The following GRAMD1C variants were observed in gnomAD, a reference collection of about 807,000 sequenced individuals.
The protein encoded by GRAMD1C is GRAM domain containing 1C.
In GRAMD1C, 89 loss-of-function variants were observed where a neutral mutation model predicts 97.8. The observed-to-expected ratio is 0.91, with a 90% confidence interval of 0.77 to 1.09. GRAMD1C has a LOEUF of 1.09. GRAMD1C is among the 50% of genes least tolerant of loss of function. The pLI is 0.00. For missense variants in GRAMD1C, 740 were observed against 766.4 expected (o/e 0.97, Z 0.41); for synonymous variants, 256 against 267.0 (o/e 0.96, Z 0.40).
At chr3:113,872,913 A>T (rs1306148445) in intron 3 of GRAMD1C, among the ~76,000 whole-genome samples, 106 of 145,498 alleles carry the variant, frequency 7.3e-4, no homozygotes, top group African/African-American at 2.7e-3. Context: ...GTCTACTAAA[A>T]ATACAAAAAA....
intron 6 of GRAMD1C, among the ~76,000 whole-genome samples, chr3:113,898,069 G>A (rs1936007492): frequency 6.6e-6 from 1 of 152,000 alleles, no homozygotes; most frequent in African/African-American, 2.4e-5. Context: ...CCATTAACCT[G>A]TTATATATAT....
rs1938072784 is a variant in GRAMD1C, at chr3:113,946,270, C to CT, written c.*794dup. 1 of 152,586 alleles carries CT rather than the reference C, an allele frequency of 6.6e-6. No individual in the cohort carries two copies. Among genetic ancestry groups the CT allele is most frequent in the Non-Finnish European group, 1.5e-5 (1 of 68,018 alleles). 9.5% of individuals were successfully genotyped at this position (152,586 alleles called of 1,614,324 possible). On this transcript the variant is annotated 3_prime_UTR_variant, in exon 18 of 18. Coordinates refer to ENST00000358160, the MANE Select transcript of GRAMD1C (RefSeq NM_017577.5). ...ATACTTGAACTAAGATTGGCTTCAG[C>CT]TTAGCAGTCTTTCATGGTGGAAGTG... is the stretch of plus-strand genomic sequence containing the variant.
At chr3:113,841,970 T>A (rs1933344973) in intron 1 of GRAMD1C, among the ~76,000 whole-genome samples, 2 of 152,202 alleles carry the variant, frequency 1.3e-5, no homozygotes, top group African/African-American at 4.8e-5. Context: ...AATGTTGGGA[T>A]TATACGTGTG....
chr3:113,850,396 T>C, intron 2 of GRAMD1C: 1 of 878,862 alleles, frequency 1.1e-6, no homozygotes. Flanking sequence ...GTCTTGCAGG[T>C]CGCTCACCCT....
chr3:113,878,864 A>C (rs1338720576), intron 5 of GRAMD1C, among the ~76,000 whole-genome samples: 1 of 152,062 alleles, frequency 6.6e-6, no homozygotes, highest in African/African-American at 2.4e-5. Context: ...GGTTTCTGAC[A>C]CTTAGAATCA....
intron 5 of GRAMD1C, among the ~76,000 whole-genome samples, chr3:113,880,983 C>T (rs957303184): frequency 1.4e-4 from 21 of 152,036 alleles, no homozygotes; most frequent in African/African-American, 4.6e-4. Flanking sequence ...TAAATATTCA[C>T]CCCTTTTATG....
Position 113,869,862 on chromosome 3 carries a change from A to G in GRAMD1C, c.259+271A>G, listed in dbSNP as rs563717413. Among the ~76,000 whole-genome samples, 10 of 152,352 alleles carry G rather than the reference A, an allele frequency of 6.6e-5. No homozygotes were observed. In the South Asian group the frequency reaches 1.0e-3, roughly 16 times the overall value. On this transcript the variant is annotated intron_variant, in intron 3 of 17. Coordinates refer to ENST00000358160, the MANE Select transcript of GRAMD1C (RefSeq NM_017577.5). ...ATGGAATCAACCTAAGTAGCCATCA[A>G]TGGATGAATGGATAAAGAAATTGTG... is the stretch of plus-strand genomic sequence containing the variant.
rs541502482 is a variant in GRAMD1C, at chr3:113,922,355, GA to G, written c.1090+6519del. On this transcript the variant is annotated intron_variant, in intron 10 of 17. Coordinates refer to ENST00000358160, the MANE Select transcript of GRAMD1C (RefSeq NM_017577.5). ...CCTAGAGTGCTGAGATTACAGGCGTGAACCACCACGCCCAGTCATTCCTAAA... is the reference window on the plus strand; with the variant it reads ...CCTAGAGTGCTGAGATTACAGGCGTGACCACCACGCCCAGTCATTCCTAAA... Among the ~76,000 whole-genome samples the G allele has an allele frequency of 2.1e-4, 32 of 152,270 alleles. No individual in the cohort carries two copies. In the South Asian group the frequency reaches 5.8e-3, roughly 28 times the overall value.
At chr3:113,840,076 T>C (rs1425996003) in intron 1 of GRAMD1C, among the ~76,000 whole-genome samples, 1 of 152,100 alleles carries the variant, frequency 6.6e-6, no homozygotes, top group Non-Finnish European at 1.5e-5. Context: ...ACGCCATTCT[T>C]CTGCCTCAGA....
chr3:113,880,733 T>C (rs532351971), intron 5 of GRAMD1C, among the ~76,000 whole-genome samples: 2 of 152,310 alleles, frequency 1.3e-5, no homozygotes, highest in Non-Finnish European at 2.9e-5. Flanking sequence ...TGCTTTAAGC[T>C]CTTTACGTAT....
At chr3:113,878,451 G>A (rs1935132875) in intron 5 of GRAMD1C, among the ~76,000 whole-genome samples, 1 of 152,128 alleles carries the variant, frequency 6.6e-6, no homozygotes, top group Non-Finnish European at 1.5e-5. Flanking sequence ...AGTTGGGGGA[G>A]GGGCATCACT....
In GRAMD1C at chr3:113,885,953, G is replaced by A. The variant is rs540286187; in HGVS notation, c.540+3121G>A. On this transcript the variant is annotated intron_variant, in intron 6 of 17. Transcript: ENST00000358160. Reference sequence around the variant, plus strand: ...ACACAGCCCTTCTCAACCTGCTCCCGATGCTGGATGCCCTCAGGTTCACCG... The same window carrying A: ...ACACAGCCCTTCTCAACCTGCTCCCAATGCTGGATGCCCTCAGGTTCACCG... The A allele has an allele frequency of 1.8e-4, 295 of 1,610,618 alleles. 1 individual carries two copies. Among genetic ancestry groups the A allele is most frequent in the Admixed American group, 3.8e-4 (23 of 59,882 alleles).
intron 1 of GRAMD1C, among the ~76,000 whole-genome samples, chr3:113,840,288 A>C (rs1189393224): frequency 2.6e-5 from 4 of 152,126 alleles, no homozygotes; most frequent in African/African-American, 9.7e-5. Flanking sequence ...TCTTTTACTT[A>C]CATAATTAAG....
Position 113,906,150 on chromosome 3 carries a change from T to C in GRAMD1C, c.789+1878T>C, listed in dbSNP as rs547644153. On this transcript the variant is annotated intron_variant, in intron 8 of 17. Coordinates refer to ENST00000358160, the MANE Select transcript of GRAMD1C (RefSeq NM_017577.5). ...CCTATAAAGGTATAGCACAAACAAT[T>C]ATAGAAGTACATAATACTTGATAAT... Among the ~76,000 whole-genome samples the C allele has an allele frequency of 3.9e-4, 59 of 152,318 alleles. 1 individual carries two copies. Among genetic ancestry groups the C allele is most frequent in the African/African-American group, 1.4e-3 (59 of 41,560 alleles).
At position 113,930,805 on chromosome 3, in the gene GRAMD1C, AAAATGCACTGCTGC is replaced by A; in HGVS notation, c.1183_1196del (p.Lys395HisfsTer2). 1 of 1,598,582 alleles carries A rather than the reference AAAATGCACTGCTGC, an allele frequency of 6.3e-7. No individual in the cohort carries two copies. Among genetic ancestry groups the A allele is most frequent in the Non-Finnish European group, 8.6e-7 (1 of 1,165,880 alleles). ...TAGTCCTTAATAGTCCACTTACTGG[AAAATGCACTGCTGC>A]CACTGAAAAGCAGGTACGTCTGCTT... On this transcript the variant is annotated frameshift_variant, in exon 11 of 18. Transcript: ENST00000358160. LOFTEE classifies it high-confidence loss of function.
intron 3 of GRAMD1C, among the ~76,000 whole-genome samples, chr3:113,874,813 T>C (rs1934964497): frequency 6.6e-6 from 1 of 152,248 alleles, no homozygotes; most frequent in South Asian, 2.1e-4. Context: ...TATGGTCACC[T>C]TCTGGTCTGA....
At chr3:113,851,551 C>G (rs1412601262) in intron 2 of GRAMD1C, among the ~76,000 whole-genome samples, 9 of 145,196 alleles carry the variant, frequency 6.2e-5, no homozygotes, top group Admixed American at 1.4e-4. Flanking sequence ...GACAGTCTCA[C>G]TCTGTTGCCC....
intron 14 of GRAMD1C, chr3:113,936,739 G>A: frequency 5.3e-6 from 1 of 188,440 alleles, no homozygotes; most frequent in Non-Finnish European, 1.1e-5. Flanking sequence ...GTCTCGTTCT[G>A]TTGCCCATGC....
intron 14 of GRAMD1C, among the ~76,000 whole-genome samples, chr3:113,937,450 A>AT (rs1380720327): frequency 1.3e-5 from 2 of 152,118 alleles, no homozygotes; most frequent in Non-Finnish European, 2.9e-5. Flanking sequence ...ATTTGGAGAG[A>AT]TATTTGCTTA....
Sources: gnomAD v4.1 joint callset for allele counts (sites outside exome capture counted in the v4.1 genomes callset) on GRCh38, gnomAD v4.1.1 for gene constraint, MANE v1.5 for transcripts, NCBI Gene and HGNC (gene_info 2026-07-23, HGNC 2026-07-21) for gene names.